KCNH1: variants seen among roughly 807,000 people sequenced by gnomAD.
The protein encoded by KCNH1 is potassium voltage-gated channel subfamily H member 1.
In KCNH1, 27 loss-of-function variants were observed where a neutral mutation model predicts 69.2. The observed-to-expected ratio is 0.39, with a 90% CI of 0.29 to 0.54. The LOEUF (loss-of-function observed/expected upper bound fraction) is 0.54, where lower values mean the gene tolerates loss of function less well. Among genes scored for constraint, KCNH1 ranks in the 20% least tolerant of loss-of-function variants. The pLI is 0.68. For synonymous variants in KCNH1, 456 were observed against 487.7 expected (o/e 0.93, Z 0.86); for missense variants, 798 against 1,261.6 (o/e 0.63, Z 5.57).
chr1:210,696,507 C>T (rs971010409), intron 10 of KCNH1, among the ~76,000 whole-genome samples: 25 of 152,232 alleles, frequency 1.6e-4, no homozygotes, highest in Admixed American at 3.9e-4. Flanking sequence ...GAGGGCGCTC[C>T]GGTTCAAGCC....
intron 5 of KCNH1, among the ~76,000 whole-genome samples, chr1:211,057,841 G>T (rs1690341912): frequency 6.6e-6 from 1 of 152,056 alleles, no homozygotes; most frequent in African/African-American, 2.4e-5. Flanking sequence ...TCAAGAGAAA[G>T]ATATTAATAT....
chr1:210,798,189 A>G (rs564499583), intron 8 of KCNH1, among the ~76,000 whole-genome samples: 75 of 150,590 alleles, frequency 5.0e-4, no homozygotes, highest in African/African-American at 1.8e-3. Context: ...ACAGGCGCCC[A>G]CCACCACACC....
intron 5 of KCNH1, among the ~76,000 whole-genome samples, chr1:211,077,635 T>C (rs901230428): frequency 3.3e-5 from 5 of 152,080 alleles, no homozygotes; most frequent in Admixed American, 2.0e-4. Context: ...GAACAACCAC[T>C]ACCAGCCACT....
At chr1:210,855,151 A>G (rs149464799) in intron 7 of KCNH1, among the ~76,000 whole-genome samples, 1 of 152,332 alleles carries the variant, frequency 6.6e-6, no homozygotes, top group African/African-American at 2.4e-5. Context: ...CTTCAGAACA[A>G]GTCCATACCC....
intron 3 of KCNH1, among the ~76,000 whole-genome samples, chr1:211,091,859 A>C (rs1328464594): frequency 6.6e-6 from 1 of 152,192 alleles, no homozygotes; most frequent in Admixed American, 6.5e-5. Flanking sequence ...AAAATAAATA[A>C]ACATCTTCTA....
intron 5 of KCNH1, among the ~76,000 whole-genome samples, chr1:211,035,049 T>C (rs1036084776): frequency 1.3e-5 from 2 of 152,122 alleles, no homozygotes; most frequent in Admixed American, 6.5e-5. Flanking sequence ...AGTGTCTTCA[T>C]ACCTCCCCAG....
At chr1:210,792,538 A>C (rs1389833384) in intron 9 of KCNH1, among the ~76,000 whole-genome samples, 1 of 152,164 alleles carries the variant, frequency 6.6e-6, no homozygotes, top group African/African-American at 2.4e-5. Context: ...TAATAGAAAC[A>C]GAGGAGGCCT....
Position 210,806,820 on chromosome 1 carries a change from A to AT in KCNH1, c.1463-2655_1463-2654insA, listed in dbSNP as rs1558477727. ...CCCCATCTCTACCAAAAAAAAAAAA[A>AT]AAAAAAAAAAAAAAAAATATATATA... On this transcript the variant is annotated intron_variant, in intron 7 of 10. Transcript: ENST00000271751. 9.7e-4 allele frequency among the ~76,000 whole-genome samples: 23 copies of AT among 23,684 alleles called. 1 individual carries two copies. The highest frequency in any genetic ancestry group is 2.5e-3 in the South Asian group (1 of 394). 15.5% of individuals were successfully genotyped at this position (23,684 alleles called of 152,430 possible). A position where few individuals can be genotyped will look rare whatever the true frequency, so the allele number is the denominator to read the frequency against.
Position 210,683,960 on chromosome 1 carries a change from A to G in KCNH1, c.2291T>C (p.Leu764Pro), listed in dbSNP as rs755279000. Residue 764 changes from leucine to proline, a missense_variant, in exon 11 of 11, where the codon CTA becomes CCA. By Grantham distance (98) the Leu-to-Pro change is moderately conservative. Transcript: ENST00000271751. This position sits in a 1 kb window ranked among gnomAD's most constrained non-coding sequence, Gnocchi z 5.7. ...AERGGRDLDD[L>P]DVEKGNVLTE... The stretch of plus-strand genomic sequence containing the variant: ...AAGGACATTGCCCTTCTCCACATCT[A>G]GGTCATCCAGGTCCCGGCCCCCTCT... The G allele has an allele frequency of 1.2e-6, 2 of 1,603,922 alleles. No homozygotes were observed. The highest frequency in any genetic ancestry group is 1.7e-6 in the Non-Finnish European group (2 of 1,171,916).
At chr1:211,075,735 A>T (rs1362905675) in intron 5 of KCNH1, among the ~76,000 whole-genome samples, 2 of 152,228 alleles carry the variant, frequency 1.3e-5, no homozygotes, top group Admixed American at 6.5e-5. Context: ...CTAGTTGGAC[A>T]GTGGGTGCAG....
chr1:210,928,416 C>T lies in KCNH1; in HGVS notation c.1033-8347G>A, dbSNP rs191383814. Among the ~76,000 whole-genome samples the T allele has an allele frequency of 2.1e-4, 32 of 152,218 alleles. No homozygotes were observed. The East Asian group carries it at 5.2e-3, about 25-fold the overall frequency. On this transcript the variant is annotated intron_variant, in intron 6 of 10. Transcript: ENST00000271751. ...CTGGAAATGGACTCCAAAAGGAACC[C>T]TCAAAACAATCCAAATACATGGAAA...
rs372214860 is a variant in KCNH1, at chr1:210,762,468, G to A, written c.2112+12880C>T. Among the ~76,000 whole-genome samples the A allele has an allele frequency of 5.9e-5, 9 of 152,140 alleles. No individual in the cohort carries two copies. The South Asian group carries it at 6.2e-4, about 11-fold the overall frequency. ...TTCTTCGAAAAGGATAAACAAGTTC[G>A]ATAGACCACTAGCTAGATGAACAAA... is the stretch of plus-strand genomic sequence containing the variant. On this transcript the variant is annotated intron_variant, in intron 10 of 10. Transcript: ENST00000271751.
intron 7 of KCNH1, among the ~76,000 whole-genome samples, chr1:210,845,087 T>C (rs1002894904): frequency 6.6e-6 from 1 of 150,780 alleles, no homozygotes; most frequent in African/African-American, 2.5e-5. Context: ...CAATAATCAA[T>C]AGCTAACCAA....
chr1:210,811,055 T>C (rs1257498026), intron 7 of KCNH1, among the ~76,000 whole-genome samples: 1 of 152,198 alleles, frequency 6.6e-6, no homozygotes, highest in Admixed American at 6.5e-5. Flanking sequence ...GCTGGCAATA[T>C]TCAGCAATTA....
At chr1:211,041,864 C>T (rs139705596) in intron 5 of KCNH1, among the ~76,000 whole-genome samples, 1 of 152,242 alleles carries the variant, frequency 6.6e-6, no homozygotes, top group Non-Finnish European at 1.5e-5. Flanking sequence ...AAGTGATTCT[C>T]GTGCCTGAGC....
chr1:210,693,283 T>A (rs980572577), intron 10 of KCNH1, among the ~76,000 whole-genome samples: 1 of 152,208 alleles, frequency 6.6e-6, no homozygotes, highest in Non-Finnish European at 1.5e-5. Context: ...TTCTTTCTAG[T>A]CCCAGCCTGA....
chr1:210,775,591 C>T (rs1385585756), intron 9 of KCNH1, 47 bp from the exon 10 acceptor site: 26 of 1,482,312 alleles, frequency 1.8e-5, no homozygotes, highest in Non-Finnish European at 2.3e-5. Context: ...CAGGAGAGGT[C>T]TGCCCATCCA....
rs1229897220 is a variant in KCNH1, at chr1:210,683,682, C to G, written c.2569G>C (p.Glu857Gln). ...CTCTCGGGAAGTGTCTCCATCGACT[C>G]AGCCTTGGACACCTTGTTCCAGTCC... is the stretch of plus-strand genomic sequence containing the variant. Reference protein sequence around the residue: ...SEDWNKVSKAESMETLPERTK... With the variant: ...SEDWNKVSKAQSMETLPERTK... The change falls in exon 11 of 11, where the codon GAG becomes CAG. Residue 857 changes from glutamate to glutamine, a missense_variant. Glu to Gln is a conservative substitution (Grantham distance 29, BLOSUM62 2). Around this residue, in one of 4 missense-constraint regions of KCNH1, gnomAD observed 331 missense variants for 363.2 expected, o/e 0.91. Coordinates refer to ENST00000271751, the MANE Select transcript of KCNH1 (RefSeq NM_172362.3). The surrounding 1 kb of genome is among the most constrained non-coding windows in gnomAD (Gnocchi z 5.7). 1.2e-6 allele frequency: 2 copies of G among 1,614,240 alleles called. No individual in the cohort carries two copies. The highest frequency in any genetic ancestry group is 2.2e-5 in the South Asian group (2 of 91,080).
chr1:210,942,585 A>G (rs557904663), intron 6 of KCNH1, among the ~76,000 whole-genome samples: 11 of 152,340 alleles, frequency 7.2e-5, no homozygotes, highest in Admixed American at 7.2e-4. Context: ...AGTTACCACT[A>G]GATGAGAGTT....
Sources: gnomAD v4.1 joint callset for allele counts (sites outside exome capture counted in the v4.1 genomes callset) on GRCh38, gnomAD v4.1.1 for gene constraint, gnomAD v4.1.1 regional missense constraint, Gnocchi (gnomAD v3.1) non-coding constraint, MANE v1.5 for transcripts, NCBI Gene and HGNC (gene_info 2026-07-23, HGNC 2026-07-21) for gene names.